The following CLDN10 variants were observed in gnomAD, a reference collection of about 807,000 sequenced individuals.
The protein encoded by CLDN10 is claudin 10.
Under a neutral mutation model 22.9 loss-of-function variants are expected in CLDN10, and 15 were observed. The ratio of observed to expected loss-of-function variants is 0.65; its 90% confidence interval spans 0.44 to 1.01. The LOEUF (loss-of-function observed/expected upper bound fraction) is 1.01, where lower values mean the gene tolerates loss of function less well. Among genes scored for constraint, CLDN10 ranks in the 50% least tolerant of loss-of-function variants. The pLI is 0.00. For synonymous variants in CLDN10, 114 were observed against 111.4 expected (o/e 1.02, Z -0.15); for missense variants, 247 against 287.8 (o/e 0.86, Z 1.03).
chr13:95,567,597 A>T (rs2138671987), intron 3 of CLDN10, among the ~76,000 whole-genome samples: 1 of 152,266 alleles, frequency 6.6e-6, no homozygotes, highest in South Asian at 2.1e-4. Context: ...TCTTTTCCTA[A>T]TTGAATACCC....
At chr13:95,513,233 C>T (rs539726264) in intron 1 of CLDN10, among the ~76,000 whole-genome samples, 2 of 152,292 alleles carry the variant, frequency 1.3e-5, no homozygotes, top group Admixed American at 6.5e-5. Flanking sequence ...TGTAGAATGG[C>T]CCTTAGAATC....
At chr13:95,447,461 C>T (rs1260631121) in intron 1 of CLDN10, among the ~76,000 whole-genome samples, 11 of 152,190 alleles carry the variant, frequency 7.2e-5, no homozygotes, top group Non-Finnish European at 2.9e-5. Flanking sequence ...CTTTTTTCCT[C>T]GCGGCTGATG....
intron 1 of CLDN10, among the ~76,000 whole-genome samples, chr13:95,434,990 CT>C (rs150918728): frequency 0.081 from 12,332 of 152,196 alleles, 595 homozygotes; most frequent in Middle Eastern, 0.11. Flanking sequence ...ATGCTGTTTA[CT>C]TTCCCCTTTG....
At chr13:95,571,591 C>T (rs1400953327) in intron 3 of CLDN10, among the ~76,000 whole-genome samples, 4 of 152,032 alleles carry the variant, frequency 2.6e-5, no homozygotes, top group East Asian at 1.9e-4. Flanking sequence ...GCAGGATCAG[C>T]GGGCACCCCA....
At chr13:95,524,006 G>C (rs1399704564) in intron 1 of CLDN10, among the ~76,000 whole-genome samples, 20 of 151,726 alleles carry the variant, frequency 1.3e-4, no homozygotes, top group Admixed American at 1.2e-3. Flanking sequence ...ACATATTTAA[G>C]ATATAATTTC....
intron 1 of CLDN10, chr13:95,528,573 G>A (rs1003933318): frequency 6.6e-6 from 1 of 152,218 alleles, no homozygotes; most frequent in Non-Finnish European, 1.5e-5. Context: ...AGAACTGGAT[G>A]GATGATCCAA....
intron 1 of CLDN10, among the ~76,000 whole-genome samples, chr13:95,508,615 C>T (rs571378845): frequency 1.8e-4 from 28 of 152,330 alleles, no homozygotes; most frequent in African/African-American, 6.3e-4. Flanking sequence ...ACTGTATGAC[C>T]AGAACTGGGA....
intron 2 of CLDN10, 30 bp downstream of exon 2, chr13:95,560,323 A>G (rs762315810): frequency 2.5e-6 from 4 of 1,613,730 alleles, no homozygotes; most frequent in African/African-American, 2.7e-5. Context: ...CAAACAAGGT[A>G]CTTGATGATG....
intron 1 of CLDN10, among the ~76,000 whole-genome samples, chr13:95,467,690 A>G (rs1277279646): frequency 6.6e-6 from 1 of 152,222 alleles, no homozygotes; most frequent in Non-Finnish European, 1.5e-5. Flanking sequence ...AGAAGGATTT[A>G]TTACAAAGAA....
chr13:95,475,673 C>T (rs1368087559), intron 1 of CLDN10, among the ~76,000 whole-genome samples: 1 of 152,202 alleles, frequency 6.6e-6, no homozygotes, highest in African/African-American at 2.4e-5. Flanking sequence ...TCCATTCCCA[C>T]CTCATCCTCC....
At chr13:95,474,445 C>T (rs1252729930) in intron 1 of CLDN10, among the ~76,000 whole-genome samples, 3 of 152,184 alleles carry the variant, frequency 2.0e-5, no homozygotes, top group African/African-American at 7.2e-5. Flanking sequence ...AGGCCACAGA[C>T]TGGTACCAGC....
chr13:95,539,201 C>T (rs193283766), intron 1 of CLDN10, among the ~76,000 whole-genome samples: 7 of 152,228 alleles, frequency 4.6e-5, no homozygotes, highest in Admixed American at 3.9e-4. Context: ...ATTTCTAAAA[C>T]ATTTTATTGC....
chr13:95,499,198 T>C (rs1446247835), intron 1 of CLDN10, among the ~76,000 whole-genome samples: 1 of 152,180 alleles, frequency 6.6e-6, no homozygotes, highest in Non-Finnish European at 1.5e-5. Flanking sequence ...TTATAAGTCA[T>C]GATTGGCAGC....
intron 1 of CLDN10, among the ~76,000 whole-genome samples, chr13:95,436,038 CAT>C (rs1229312838): frequency 1.3e-5 from 2 of 151,632 alleles, no homozygotes; most frequent in African/African-American, 2.4e-5. Flanking sequence ...TTGGGGAAAA[CAT>C]GTGTTCAACT....
chr13:95,518,762 A>T (rs1254939379), intron 1 of CLDN10, among the ~76,000 whole-genome samples: 2 of 139,018 alleles, frequency 1.4e-5, no homozygotes, highest in African/African-American at 2.7e-5. Context: ...GTCTCAAAAA[A>T]AAAAAAATAA....
chr13:95,470,684 C>T (rs1214591847), intron 1 of CLDN10, among the ~76,000 whole-genome samples: 2 of 152,122 alleles, frequency 1.3e-5, no homozygotes, highest in African/African-American at 4.8e-5. Context: ...TTGCGGGAAT[C>T]ACAGCAACTT....
intron 1 of CLDN10, among the ~76,000 whole-genome samples, chr13:95,556,986 C>G (rs2043647970): frequency 6.6e-6 from 1 of 152,228 alleles, no homozygotes; most frequent in Admixed American, 6.5e-5. Context: ...GAAAATTTCA[C>G]AGCTGAATGA....
chr13:95,484,839 C>A (rs372084396), intron 1 of CLDN10, among the ~76,000 whole-genome samples: 187 of 139,812 alleles, frequency 1.3e-3, no homozygotes, highest in African/African-American at 4.9e-3. Flanking sequence ...GCACTCCAGC[C>A]TGGGTAACAA....
intron 1 of CLDN10, among the ~76,000 whole-genome samples, chr13:95,541,381 A>G (rs1348173367): frequency 2.0e-5 from 3 of 152,222 alleles, no homozygotes; most frequent in Non-Finnish European, 2.9e-5. Context: ...TTTGAAAACT[A>G]AAGGGCAAAT....
Sources: allele counts gnomAD v4.1 joint callset (sites outside exome capture counted in the v4.1 genomes callset), GRCh38; gene constraint gnomAD v4.1.1; transcripts MANE v1.5; gene names NCBI Gene and HGNC (gene_info 2026-07-23, HGNC 2026-07-21).